The following CD164 variants were observed in gnomAD, a reference collection of about 807,000 sequenced individuals.
CD164 encodes CD164 molecule, also known as sialomucin core protein 24.
A neutral mutation model predicts 24.6 loss-of-function variants in CD164; 11 were observed. The ratio of observed to expected loss-of-function variants is 0.45; its 90% CI spans 0.28 to 0.74. The LOEUF is 0.74. Among genes scored for constraint, CD164 ranks in the 30% least tolerant of loss-of-function variants. CD164 has a pLI of 0.13. For missense variants in CD164, 295 were observed against 243.7 expected (o/e 1.21, Z -1.40); for synonymous variants, 126 against 100.3 (o/e 1.26, Z -1.53).
chr6:109,372,176 C>T (rs1489523405), intron 4 of CD164: 4 of 152,076 alleles, frequency 2.6e-5, no homozygotes, highest in African/African-American at 7.2e-5. Flanking sequence ...CGAACAAAAA[C>T]CTCAATAGGA....
Position 109,368,699 on chromosome 6 carries a change from C to A in CD164, c.*152G>T, listed in dbSNP as rs9487075. On this transcript the variant is annotated 3_prime_UTR_variant, in exon 6 of 6. Coordinates refer to ENST00000310786, the MANE Select transcript of CD164 (RefSeq NM_006016.6). ...AATGATTTAATTGATTTTTTCTTCA[C>A]GGATGATGCTCCCAAACATCCTATA... The A allele has an allele frequency of 1.8e-5, 25 of 1,383,812 alleles. No homozygotes were observed. In the South Asian group the frequency reaches 4.1e-4, roughly 23 times the overall value. 85.7% of individuals were successfully genotyped at this position (1,383,812 alleles called of 1,614,324 possible).
intron 4 of CD164, among the ~76,000 whole-genome samples, chr6:109,374,011 C>G (rs559781615): frequency 4.6e-5 from 7 of 152,326 alleles, no homozygotes; most frequent in African/African-American, 1.7e-4. Context: ...TTGACTACTT[C>G]TTCCTTTGAA....
chr6:109,376,409 A>G (rs940109658), intron 3 of CD164, among the ~76,000 whole-genome samples: 5 of 152,238 alleles, frequency 3.3e-5, no homozygotes, highest in Admixed American at 1.3e-4. Context: ...GTAAGATACA[A>G]GCCTCTTTCA....
At chr6:109,378,320 G>A (rs776329126) in intron 2 of CD164, among the ~76,000 whole-genome samples, 3 of 152,104 alleles carry the variant, frequency 2.0e-5, no homozygotes, top group Non-Finnish European at 4.4e-5. Context: ...GGTGGCTCAC[G>A]CCTATAATCT....
chr6:109,377,132 C>CA (rs1220576421), intron 3 of CD164, among the ~76,000 whole-genome samples: 1 of 152,104 alleles, frequency 6.6e-6, no homozygotes, highest in Non-Finnish European at 1.5e-5. Context: ...GAGACTGTCT[C>CA]AAAAAAAGTT....
Position 109,382,231 on chromosome 6 carries a change from G to A in CD164, c.148C>T (p.Leu50Phe). ...GGTGCCGGAGTGGTGACCAGCGGGA[G>A]GGACGTCACCGGCGCCGAGGTTACG... is the stretch of plus-strand genomic sequence containing the variant. ...SNVTSAPVTS[L>F]PLVTTPAPET... The change falls in exon 1 of 6, where the codon CTC becomes TTC. Residue 50 changes from leucine (L) to phenylalanine (F), a missense_variant. Physicochemically the swap from Leu to Phe is conservative, Grantham distance 22. Coordinates refer to ENST00000310786, the MANE Select transcript of CD164 (RefSeq NM_006016.6). The A allele has an allele frequency of 1.3e-6, 2 of 1,581,198 alleles. No individual in the cohort carries two copies. The highest frequency in any genetic ancestry group is 1.2e-5 in the South Asian group (1 of 86,950).
At chr6:109,369,755 G>A (rs967923472) in intron 5 of CD164, among the ~76,000 whole-genome samples, 2 of 152,250 alleles carry the variant, frequency 1.3e-5, no homozygotes, top group African/African-American at 2.4e-5. Flanking sequence ...CACTGAAACT[G>A]AGAAAAAGGT....
intron 2 of CD164, among the ~76,000 whole-genome samples, chr6:109,378,852 T>G (rs533565327): frequency 1.3e-5 from 2 of 151,486 alleles, no homozygotes; most frequent in Non-Finnish European, 2.9e-5. Context: ...TATTAAAATT[T>G]TTACCAAATA....
intron 3 of CD164, among the ~76,000 whole-genome samples, chr6:109,376,540 G>A (rs748371249): frequency 2.6e-5 from 4 of 152,176 alleles, no homozygotes; most frequent in Non-Finnish European, 4.4e-5. Context: ...ACCTAAAGAA[G>A]CCTCAGTCCC....
chr6:109,370,555 C>T, intron 4 of CD164, 88 bp from the exon 5 acceptor site: 2 of 1,157,736 alleles, frequency 1.7e-6, no homozygotes, highest in Non-Finnish European at 2.5e-6. Context: ...ATCCTGCCAA[C>T]TTCAACATGC....
In CD164 at chr6:109,382,419, GCAACGCTCAGT is replaced by G; in HGVS notation, c.-52_-42del. On this transcript the variant is annotated 5_prime_UTR_variant, in exon 1 of 6. Coordinates refer to ENST00000310786, the MANE Select transcript of CD164 (RefSeq NM_006016.6). The stretch of plus-strand genomic sequence containing the variant: ...GGCGTTCGGGAGAAAGCTAAGGCTC[GCAACGCTCAGT>G]CAACCCCTCAATCCCCTGCGGCGCC... 6.8e-7 allele frequency: 1 copy of G among 1,467,750 alleles called. No individual in the cohort carries two copies. The highest frequency in any genetic ancestry group is 9.0e-7 in the Non-Finnish European group (1 of 1,105,276). 90.9% of individuals were successfully genotyped at this position (1,467,750 alleles called of 1,614,324 possible). A position where few individuals can be genotyped will look rare whatever the true frequency, so the allele number is the denominator to read the frequency against.
rs181698894 is a variant in CD164 at position 109,369,830 on chromosome 6, T to A, written c.427+581A>T. ...AGAAGATTCATTAGCATCAGTTTTT[T>A]AAAAATATGGAGGGAGGAAAGGATT... On this transcript the variant is annotated intron_variant, in intron 5 of 5. Transcript: ENST00000310786. Among the ~76,000 whole-genome samples, 789 of 152,274 alleles carry A rather than the reference T, an allele frequency of 5.2e-3. 6 individuals are homozygous for A. The highest frequency in any genetic ancestry group is 0.018 in the African/African-American group (753 of 41,546).
chr6:109,376,098 G>A lies in CD164; in HGVS notation c.346C>T (p.Pro116Ser). Reference protein sequence around the residue: ...TDFCSVSTATPVPTANSTAKP... With the variant: ...TDFCSVSTATSVPTANSTAKP... Reference sequence around the variant, plus strand: ...CCTGTAGAATTGGCTGTTGGCACTGGAGTGGCCGTGGAAACTATTAAAAAA... The same window carrying A: ...CCTGTAGAATTGGCTGTTGGCACTGAAGTGGCCGTGGAAACTATTAAAAAA... Residue 116 changes from proline to serine, a missense_variant, in exon 4 of 6, where the codon CCA (proline) becomes TCA (serine). Pro to Ser is a moderately conservative substitution (Grantham distance 74, BLOSUM62 -1). Coordinates refer to ENST00000310786, the MANE Select transcript of CD164 (RefSeq NM_006016.6). The A allele has an allele frequency of 1.3e-6, 2 of 1,567,722 alleles. No individual in the cohort carries two copies. The highest frequency in any genetic ancestry group is 2.2e-5 in the Admixed American group (1 of 44,468).
intron 1 of CD164, chr6:109,381,938 C>T (rs921303888): frequency 1.0e-5 from 4 of 391,854 alleles, no homozygotes; most frequent in Non-Finnish European, 1.4e-5. Context: ...TTTTAAAAGG[C>T]ACCTCGACTT....
intron 4 of CD164, chr6:109,371,836 T>C (rs957143809): frequency 1.3e-5 from 2 of 152,740 alleles, no homozygotes; most frequent in East Asian, 1.9e-4. Flanking sequence ...GGCTTCAGAG[T>C]GCAAGGGCTT....
At chr6:109,372,078 C>T (rs1273729987) in intron 4 of CD164, 1 of 151,930 alleles carries the variant, frequency 6.6e-6, no homozygotes, top group Non-Finnish European at 1.5e-5. Context: ...TATGCTTAAC[C>T]CACGAAAGAC....
chr6:109,375,003 A>AATATACTTGTCTTGGAATAGACGCG (rs1771314161), intron 4 of CD164, among the ~76,000 whole-genome samples: 1 of 152,048 alleles, frequency 6.6e-6, no homozygotes, highest in Admixed American at 6.5e-5. Flanking sequence ...GAATAGACGC[A>AATATACTTGTCTTGGAATAGACGCG]TTTAATATTG....
In CD164 at chr6:109,377,889, T is replaced by G. The variant is rs377505131; in HGVS notation, c.331+11A>C. ...GCGGTCAGCTTCCAAGCAGCCAATA[T>G]GAATACTTACCGGAACAGAAGTCTG... On this transcript the variant is annotated intron_variant, in intron 3 of 5. Coordinates refer to ENST00000310786, the MANE Select transcript of CD164 (RefSeq NM_006016.6). 99 of 1,609,660 alleles carry G rather than the reference T, an allele frequency of 6.2e-5. No individual in the cohort carries two copies. The highest frequency in any genetic ancestry group is 6.0e-4 in the Admixed American group (36 of 59,994).
chr6:109,371,890 C>G (rs952545349), intron 4 of CD164: 3 of 152,312 alleles, frequency 2.0e-5, no homozygotes, highest in Admixed American at 1.3e-4. Flanking sequence ...TAGGGATGAT[C>G]TGGGGAAAGA....
Sources: gnomAD v4.1 joint callset for allele counts (sites outside exome capture counted in the v4.1 genomes callset) on GRCh38, gnomAD v4.1.1 for gene constraint, MANE v1.5 for transcripts, NCBI Gene and HGNC (gene_info 2026-07-23, HGNC 2026-07-21) for gene names.